Variants in TDO2 observed in about 807,000 individuals in gnomAD.
The protein encoded by TDO2 is tryptamin 2,3-dioxygenase.
Under a neutral mutation model 61.2 loss-of-function variants are expected in TDO2, and 63 were observed. The observed-to-expected ratio is 1.03, with a 90% confidence interval of 0.84 to 1.27. TDO2 has a LOEUF of 1.27. Ranked by LOEUF, TDO2 falls within the 50% of genes most tolerant of loss-of-function variation. The pLI is 0.00. For missense variants in TDO2, 494 were observed against 469.5 expected, an observed-to-expected ratio of 1.05 and a Z score of -0.48; for synonymous variants, 183 against 164.0, an observed-to-expected ratio of 1.12 and a Z score of -0.89.
chr4:155,919,785 T>C, intron 11 of TDO2, 52 bp from the exon 12 acceptor site: 1 of 1,492,690 alleles, frequency 6.7e-7, no homozygotes, highest in East Asian at 2.3e-5. Context: ...ATTGAAAAAT[T>C]TAAATATTTC....
intron 9 of TDO2, among the ~76,000 whole-genome samples, chr4:155,916,279 T>C (rs1218762337): frequency 6.9e-6 from 1 of 145,222 alleles, no homozygotes; most frequent in Admixed American, 7.0e-5. Context: ...GCCACTCTCC[T>C]GCCTCAGCCT....
intron 11 of TDO2, 63 bp downstream of exon 11, chr4:155,918,302 T>C: frequency 1.3e-6 from 2 of 1,519,634 alleles, no homozygotes; most frequent in South Asian, 1.1e-5. Flanking sequence ...TCTCCACCTA[T>C]ACATTTGCTA....
chr4:155,911,667 T>G (rs936929883), intron 7 of TDO2, 63 bp downstream of exon 7: 2 of 1,190,098 alleles, frequency 1.7e-6, no homozygotes, highest in Admixed American at 3.1e-5. Context: ...TTATTTTAAT[T>G]ATTTTTTGCT....
At chr4:155,912,582 A>G (rs1410323850) in intron 7 of TDO2, among the ~76,000 whole-genome samples, 1 of 151,972 alleles carries the variant, frequency 6.6e-6, no homozygotes, top group African/African-American at 2.4e-5. Context: ...TTATTTCTCT[A>G]TCTCTTTTAC....
At chr4:155,911,732 T>G in intron 7 of TDO2, 128 bp downstream of exon 7, 1 of 592,658 alleles carries the variant, frequency 1.7e-6, no homozygotes, top group Non-Finnish European at 2.8e-6. Context: ...ATGTATTTTC[T>G]TGGACTATGT....
At chr4:155,916,561 T>A (rs1742941310) in intron 9 of TDO2, among the ~76,000 whole-genome samples, 2 of 152,054 alleles carry the variant, frequency 1.3e-5, no homozygotes, top group South Asian at 4.2e-4. Context: ...TATTCCTGTT[T>A]AAGAAAATAA....
chr4:155,905,014 C>G (rs2137778), intron 2 of TDO2, 53 bp from the exon 3 acceptor site: 1,296,570 of 1,319,740 alleles, frequency 0.98, 637,041 homozygotes, highest in East Asian at 1. Flanking sequence ...TACTAAAGTT[C>G]ATAAAAACCA....
At chr4:155,907,952 T>G (rs1156993562) in intron 4 of TDO2, among the ~76,000 whole-genome samples, 160 bp downstream of exon 4, 1 of 152,254 alleles carries the variant, frequency 6.6e-6, no homozygotes, top group Non-Finnish European at 1.5e-5. Context: ...AGTCATATTT[T>G]TCCATTGCTA....
intron 9 of TDO2, among the ~76,000 whole-genome samples, chr4:155,916,586 G>A (rs2110883892): frequency 6.6e-6 from 1 of 152,044 alleles, no homozygotes; most frequent in African/African-American, 2.4e-5. Flanking sequence ...TGCATGAAGT[G>A]AAAATAACTT....
At position 155,917,621 on chromosome 4, in the gene TDO2, C is replaced by T. The variant is rs936300665; in HGVS notation, c.976+147C>T. 5.6e-5 allele frequency: 33 copies of T among 587,890 alleles called. No homozygotes were observed. In the East Asian group the frequency reaches 9.8e-4, roughly 17 times the overall value. 36.4% of individuals were successfully genotyped at this position (587,890 alleles called of 1,614,324 possible). A position where few individuals can be genotyped will look rare whatever the true frequency, so the allele number is the denominator to read the frequency against. On this transcript the variant is annotated intron_variant, in intron 10 of 11. Transcript: ENST00000536354. ...CATTCTTTTATACAAATCAGCTTGG[C>T]CATCACTCTCTCCCAGGGCCAACTT...
intron 6 of TDO2, among the ~76,000 whole-genome samples, chr4:155,911,199 T>C (rs1279073604): frequency 2.0e-5 from 3 of 152,026 alleles, no homozygotes; most frequent in Non-Finnish European, 4.4e-5. Context: ...ATAGAACATA[T>C]GTTTAAATAT....
In TDO2 at chr4:155,907,801, T is replaced by C; in HGVS notation, c.303+9T>C. On this transcript the variant is annotated intron_variant, in intron 4 of 11. Transcript: ENST00000536354. ...TCTTTCAGAATGGCCATGTAAGTTCTTATGTCACAATATTGGTTTCATGTA... is the reference window on the plus strand; with the variant it reads ...TCTTTCAGAATGGCCATGTAAGTTCCTATGTCACAATATTGGTTTCATGTA... 1 of 1,604,890 alleles carries C rather than the reference T, an allele frequency of 6.2e-7. No homozygotes were observed. Among genetic ancestry groups the C allele is most frequent in the Non-Finnish European group, 8.5e-7 (1 of 1,173,018 alleles).
chr4:155,905,062 T>C lies in TDO2; in HGVS notation c.142-5T>C. On this transcript the variant is annotated splice_polypyrimidine_tract_variant and splice_region_variant and intron_variant, in intron 2 of 11. Transcript: ENST00000536354. ...TCAGACAGGCTTTTTATTTTTCATTTCAAGTTGGAAAAAGTTTTGAATGCA... is the reference window on the plus strand; with the variant it reads ...TCAGACAGGCTTTTTATTTTTCATTCCAAGTTGGAAAAAGTTTTGAATGCA... 6.3e-7 allele frequency: 1 copy of C among 1,576,658 alleles called. No individual in the cohort carries two copies. Among genetic ancestry groups the C allele is most frequent in the Non-Finnish European group, 8.6e-7 (1 of 1,164,920 alleles).
Position 155,903,726 on chromosome 4 carries a change from A to G in TDO2, c.-33A>G, listed in dbSNP as rs1742666226. 1 of 1,613,872 alleles carries G rather than the reference A, an allele frequency of 6.2e-7. No individual in the cohort carries two copies. Among genetic ancestry groups the G allele is most frequent in the Admixed American group, 1.7e-5 (1 of 59,970 alleles). The stretch of plus-strand genomic sequence containing the variant: ...AATGATAGCATCTGCCTAGAGTCAA[A>G]CCTCCGTGCTTCTCAGACAGTGCCT... On this transcript the variant is annotated 5_prime_UTR_variant, in exon 1 of 12. Coordinates refer to ENST00000536354, the MANE Select transcript of TDO2 (RefSeq NM_005651.4).
intron 8 of TDO2, among the ~76,000 whole-genome samples, chr4:155,914,669 C>T (rs1036871691): frequency 4.6e-5 from 7 of 151,946 alleles, no homozygotes; most frequent in East Asian, 3.9e-4. Flanking sequence ...GCCAGATATA[C>T]GGGATATCAA....
intron 6 of TDO2, among the ~76,000 whole-genome samples, 196 bp from the exon 7 acceptor site, chr4:155,911,301 A>G (rs1742825141): frequency 6.6e-6 from 1 of 152,052 alleles, no homozygotes; most frequent in African/African-American, 2.4e-5. Context: ...TGCCATAAAA[A>G]TTAAGAAAAT....
At chr4:155,911,740 T>C in intron 7 of TDO2, 136 bp downstream of exon 7, 1 of 549,616 alleles carries the variant, frequency 1.8e-6, no homozygotes, top group Non-Finnish European at 3.1e-6. Context: ...TCTTGGACTA[T>C]GTGACATGAT....
At chr4:155,916,444 A>AGATGTG (rs1742938821) in intron 9 of TDO2, among the ~76,000 whole-genome samples, 1 of 1,384 alleles carries the variant, frequency 7.2e-4, no homozygotes, top group Non-Finnish European at 0.017. Flanking sequence ...CTGGGATTAC[A>AGATGTG]AGCGTCTAAA....
At chr4:155,918,275 G>A in intron 11 of TDO2, 36 bp downstream of exon 11, 1 of 1,599,538 alleles carries the variant, frequency 6.3e-7, no homozygotes, top group Non-Finnish European at 8.6e-7. Context: ...CCTGGTGGCA[G>A]TCACCAACAA....
Sources: gnomAD v4.1 joint callset for allele counts (sites outside exome capture counted in the v4.1 genomes callset) on GRCh38, gnomAD v4.1.1 for gene constraint, MANE v1.5 for transcripts, NCBI Gene and HGNC (gene_info 2026-07-23, HGNC 2026-07-21) for gene names.